Variants in NME7 observed in about 807,000 individuals in gnomAD.
NME7 encodes NME/NM23 family member 7.
In NME7, 41 loss-of-function variants were observed where a neutral mutation model predicts 49.1. The ratio of observed to expected loss-of-function variants is 0.83; its 90% CI spans 0.65 to 1.08. The LOEUF (loss-of-function observed/expected upper bound fraction) is 1.08, where lower values mean the gene tolerates loss of function less well. Ranked by LOEUF, NME7 falls within the 50% of genes least tolerant of loss-of-function variation. NME7 has a pLI of 0.00. For synonymous variants in NME7, 139 were observed against 150.6 expected, an observed-to-expected ratio of 0.92 and a Z score of 0.56; for missense variants, 423 against 463.4, an observed-to-expected ratio of 0.91 and a Z score of 0.80.
chr1:169,354,840 A>C (rs1308897460), intron 1 of NME7, among the ~76,000 whole-genome samples: 1 of 134,086 alleles, frequency 7.5e-6, no homozygotes, highest in South Asian at 2.2e-4. Flanking sequence ...CATAATAGAT[A>C]TATTATATTA....
chr1:169,133,444 GAGAC>G (rs1229253769), intron 11 of NME7, among the ~76,000 whole-genome samples: 11 of 152,342 alleles, frequency 7.2e-5, no homozygotes, highest in African/African-American at 2.6e-4. Flanking sequence ...CTCTTACAGA[GAGAC>G]AGATCTGGAG....
In NME7 at chr1:169,298,759, G is replaced by A. The variant is rs1168541004; in HGVS notation, c.445C>T (p.Leu149=). 6.2e-7 allele frequency: 1 copy of A among 1,612,902 alleles called. No individual in the cohort carries two copies. The highest frequency in any genetic ancestry group is 1.3e-5 in the African/African-American group (1 of 74,882). The change falls in exon 6 of 12, where the codon CTG becomes TTG. Residue 149 remains leucine (L), a synonymous_variant. Coordinates refer to ENST00000367811, the MANE Select transcript of NME7 (RefSeq NM_013330.5). ...DHQSRPFFNE[L]IQFITTGPII... ...GGACCAGTTGTAATAAACTGGATCAGCTCACTACAAAACAGATAGAAGATT... is the reference window on the plus strand; with the variant it reads ...GGACCAGTTGTAATAAACTGGATCAACTCACTACAAAACAGATAGAAGATT...
intron 10 of NME7, among the ~76,000 whole-genome samples, chr1:169,214,516 T>C (rs1660921254): frequency 6.6e-6 from 1 of 152,232 alleles, no homozygotes; most frequent in East Asian, 1.9e-4. Flanking sequence ...AAACATTTTC[T>C]GACTAGAAGA....
intron 7 of NME7, among the ~76,000 whole-genome samples, chr1:169,240,928 G>A (rs1648063364): frequency 6.6e-6 from 1 of 151,964 alleles, no homozygotes; most frequent in African/African-American, 2.4e-5. Flanking sequence ...TGTTTTCTTT[G>A]ATATGATAGG....
chr1:169,223,960 T>C (rs536914441), intron 10 of NME7, among the ~76,000 whole-genome samples: 2 of 152,338 alleles, frequency 1.3e-5, no homozygotes, highest in Non-Finnish European at 2.9e-5. Context: ...TGTATTTGTA[T>C]ATCTCTCCTC....
rs1648976420 is a variant in NME7, at chr1:169,257,123, C to G, written c.755-19436G>C. On this transcript the variant is annotated intron_variant, in intron 7 of 11. Coordinates refer to ENST00000367811, the MANE Select transcript of NME7 (RefSeq NM_013330.5). The stretch of plus-strand genomic sequence containing the variant: ...GGAGCTTCCTGGCTGCTTTGTTTAC[C>G]TAATCAAGCCTGAGCAATGGCGGGC... Among the ~76,000 whole-genome samples the G allele has an allele frequency of 1.5e-5, 2 of 135,164 alleles. 1 individual carries two copies. Among genetic ancestry groups the G allele is most frequent in the Non-Finnish European group, 3.5e-5 (2 of 57,222 alleles). 88.7% of individuals were successfully genotyped at this position (135,164 alleles called of 152,430 possible). A position where few individuals can be genotyped will look rare whatever the true frequency, so the allele number is the denominator to read the frequency against.
chr1:169,355,853 A>G lies in NME7; in HGVS notation c.3+11855T>C, dbSNP rs544079352. 5.3e-5 allele frequency among the ~76,000 whole-genome samples: 8 copies of G among 152,246 alleles called. 1 individual carries two copies. The highest frequency in any genetic ancestry group is 4.1e-4 in the South Asian group (2 of 4,830). ...GCATCTCCCCAGAAATTTTAGCTCC[A>G]TAAGGGTGGGACTTTGTCACTGATT... On this transcript the variant is annotated intron_variant, in intron 1 of 11. Coordinates refer to ENST00000367811, the MANE Select transcript of NME7 (RefSeq NM_013330.5).
chr1:169,243,052 A>G (rs1648158947), intron 7 of NME7, among the ~76,000 whole-genome samples: 1 of 152,156 alleles, frequency 6.6e-6, no homozygotes. Context: ...AGATTATTCT[A>G]AAATTATATG....
At chr1:169,355,813 A>G (rs1202968125) in intron 1 of NME7, among the ~76,000 whole-genome samples, 49 of 152,056 alleles carry the variant, frequency 3.2e-4, no homozygotes, top group Non-Finnish European at 4.4e-5. Flanking sequence ...ATTATACTAC[A>G]TATTTGTTTA....
At chr1:169,248,589 T>C (rs61808871) in intron 7 of NME7, among the ~76,000 whole-genome samples, 46,648 of 152,046 alleles carry the variant, frequency 0.31, 7,734 homozygotes, top group Non-Finnish European at 0.39. Context: ...CTAGGTTATC[T>C]TCTATAATTT....
intron 3 of NME7, among the ~76,000 whole-genome samples, chr1:169,313,505 G>A (rs1651493759): frequency 6.6e-6 from 1 of 152,122 alleles, no homozygotes; most frequent in Non-Finnish European, 1.5e-5. Context: ...TAATGCCTAT[G>A]GGAAAAAGAC....
chr1:169,334,860 T>C lies in NME7; in HGVS notation c.4-10360A>G, dbSNP rs1217945988. 2.0e-5 allele frequency among the ~76,000 whole-genome samples: 3 copies of C among 151,926 alleles called. No individual in the cohort carries two copies. The East Asian group carries it at 5.8e-4, about 29-fold the overall frequency. On this transcript the variant is annotated intron_variant, in intron 1 of 11. Transcript: ENST00000367811. ...CCAGAATTTACAAGGAACTTAAACATATTTATAAGAAAAAAACAAACAACC... is the reference window on the plus strand; with the variant it reads ...CCAGAATTTACAAGGAACTTAAACACATTTATAAGAAAAAAACAAACAACC...
At chr1:169,187,567 A>C (rs11803007) in intron 10 of NME7, among the ~76,000 whole-genome samples, 56,393 of 151,652 alleles carry the variant, frequency 0.37, 11,042 homozygotes, top group East Asian at 0.73. Context: ...AGGATTGCGA[A>C]CCCTGCTTTT....
At chr1:169,136,516 G>A (rs1296131010) in intron 11 of NME7, among the ~76,000 whole-genome samples, 1 of 152,162 alleles carries the variant, frequency 6.6e-6, no homozygotes, top group Non-Finnish European at 1.5e-5. Flanking sequence ...GAGGTAGGGG[G>A]TCACAGGGGA....
intron 7 of NME7, among the ~76,000 whole-genome samples, chr1:169,240,566 C>T (rs1190254204): frequency 6.6e-6 from 1 of 151,696 alleles, no homozygotes; most frequent in Non-Finnish European, 1.5e-5. Context: ...CTTTTTTTTA[C>T]CCTGTTACAT....
chr1:169,338,851 G>A (rs1021328804), intron 1 of NME7, among the ~76,000 whole-genome samples: 5 of 152,174 alleles, frequency 3.3e-5, no homozygotes, highest in African/African-American at 1.2e-4. Context: ...CAAAAATGAT[G>A]TTGACTTGTT....
chr1:169,329,248 T>C (rs1475990407), intron 1 of NME7, among the ~76,000 whole-genome samples: 1 of 152,100 alleles, frequency 6.6e-6, no homozygotes, highest in African/African-American at 2.4e-5. Flanking sequence ...TATTTCTCAC[T>C]CTACCGCTCC....
chr1:169,335,600 C>T (rs997254022), intron 1 of NME7, among the ~76,000 whole-genome samples: 1 of 151,546 alleles, frequency 6.6e-6, no homozygotes, highest in East Asian at 1.9e-4. Flanking sequence ...TCAATAGGTG[C>T]AGCAAATCAC....
intron 11 of NME7, among the ~76,000 whole-genome samples, chr1:169,162,682 A>C (rs1659286137): frequency 6.6e-6 from 1 of 151,498 alleles, no homozygotes; most frequent in Non-Finnish European, 1.5e-5. Flanking sequence ...CATCTTTACA[A>C]AAAAAAAATT....
Sources: allele counts gnomAD v4.1 joint callset (sites outside exome capture counted in the v4.1 genomes callset), GRCh38; gene constraint gnomAD v4.1.1; transcripts MANE v1.5; gene names NCBI Gene and HGNC (gene_info 2026-07-23, HGNC 2026-07-21).